LIMCH1: variants seen among roughly 807,000 people sequenced by gnomAD.
LIMCH1 encodes the protein LIM and calponin homology domains 1.
Under a neutral mutation model 176.5 loss-of-function variants are expected in LIMCH1, and 113 were observed. That is an observed-to-expected ratio of 0.64 (90% CI 0.55 to 0.75). The LOEUF (loss-of-function observed/expected upper bound fraction) is 0.75. Among genes scored for constraint, LIMCH1 ranks in the 30% least tolerant of loss-of-function variants. The pLI is 0.00. For missense variants in LIMCH1, 1,674 were observed against 1,814.9 expected, an observed-to-expected ratio of 0.92 and a Z score of 1.41; for synonymous variants, 619 against 645.9, an observed-to-expected ratio of 0.96 and a Z score of 0.63.
Position 41,620,551 on chromosome 4 carries a change from A to G in LIMCH1, c.586A>G (p.Lys196Glu), listed in dbSNP as rs2092487302. 6.5e-7 allele frequency: 1 copy of G among 1,536,394 alleles called. No individual in the cohort carries two copies. The highest frequency in any genetic ancestry group is 1.4e-5 in the African/African-American group (1 of 73,178). Residue 196 changes from lysine to glutamate, a missense_variant, in exon 7 of 32, where the codon AAG becomes GAG. By Grantham distance (56) the Lys-to-Glu change is moderately conservative. Around this residue, in one of 3 missense-constraint regions of LIMCH1, gnomAD observed 655 missense variants for 692.2 expected, o/e 0.95. Transcript: ENST00000503057. Reference protein sequence around the residue: ...GGCELPDGSGKEHPSSDGAVV... With the variant: ...GGCELPDGSGEEHPSSDGAVV... The stretch of plus-strand genomic sequence containing the variant: ...GTGTGAATTACCTGACGGCAGTGGT[A>G]AGGAGCACCCTTCTTCAGACGGGGC...
At chr4:41,520,280 G>T (rs2075992711) in intron 2 of LIMCH1, among the ~76,000 whole-genome samples, 1 of 151,918 alleles carries the variant, frequency 6.6e-6, no homozygotes, top group South Asian at 2.1e-4. Flanking sequence ...CCTTCTGGTT[G>T]TTCCTTGAAT....
chr4:41,378,269 A>G (rs1019451196), intron 1 of LIMCH1, among the ~76,000 whole-genome samples: 1 of 152,182 alleles, frequency 6.6e-6, no homozygotes, highest in African/African-American at 2.4e-5. Flanking sequence ...TTGGAACTAA[A>G]TGGGCTGGGC....
At chr4:41,424,581 A>G (rs1202928261) in intron 1 of LIMCH1, among the ~76,000 whole-genome samples, 1 of 151,452 alleles carries the variant, frequency 6.6e-6, no homozygotes, top group African/African-American at 2.4e-5. Context: ...CAAACATATC[A>G]TTTTTTTTTG....
chr4:41,592,592 A>G (rs71608083), intron 1 of LIMCH1, among the ~76,000 whole-genome samples: 5,338 of 152,284 alleles, frequency 0.035, 116 homozygotes, highest in South Asian at 0.062. Flanking sequence ...ACCTGAGTGA[A>G]CAAGAATGTC....
intron 2 of LIMCH1, among the ~76,000 whole-genome samples, chr4:41,501,635 G>A (rs2073286218): frequency 1.3e-5 from 2 of 152,042 alleles, no homozygotes; most frequent in Non-Finnish European, 2.9e-5. Flanking sequence ...CTAGAGAAGG[G>A]ACAGGCTTCC....
intron 13 of LIMCH1, among the ~76,000 whole-genome samples, chr4:41,634,939 G>A (rs1015018291): frequency 2.3e-4 from 35 of 152,170 alleles, no homozygotes; most frequent in East Asian, 1.4e-3. Context: ...CTGGATCCGC[G>A]GGCTTCTGTA....
chr4:41,494,305 T>TTA (rs1259765203), intron 1 of LIMCH1, among the ~76,000 whole-genome samples: 2 of 148,930 alleles, frequency 1.3e-5, no homozygotes, highest in African/African-American at 2.4e-5. Flanking sequence ...ATATATATAA[T>TTA]TATATATATA....
chr4:41,524,557 A>G (rs951610909), intron 3 of LIMCH1: 6 of 1,008,050 alleles, frequency 6.0e-6, no homozygotes, highest in Non-Finnish European at 9.5e-6. Context: ...CATTTATTAC[A>G]GTTCTCTCCT....
At chr4:41,436,428 T>C (rs1472322688) in intron 1 of LIMCH1, among the ~76,000 whole-genome samples, 1 of 152,190 alleles carries the variant, frequency 6.6e-6, no homozygotes, top group African/African-American at 2.4e-5. Flanking sequence ...TCTGGGGCAT[T>C]AAAAAATAAT....
chr4:41,495,989 G>C (rs1264608786), intron 2 of LIMCH1, among the ~76,000 whole-genome samples: 1 of 152,118 alleles, frequency 6.6e-6, no homozygotes, highest in African/African-American at 2.4e-5. Context: ...TTAACTCTTA[G>C]GTAAGCTGCA....
At chr4:41,521,655 A>G (rs181209404) in intron 2 of LIMCH1, among the ~76,000 whole-genome samples, 2 of 152,190 alleles carry the variant, frequency 1.3e-5, no homozygotes, top group African/African-American at 4.8e-5. Flanking sequence ...AGTATTATAA[A>G]CAGAACACTG....
intron 1 of LIMCH1, among the ~76,000 whole-genome samples, chr4:41,494,364 CACAT>C (rs1328402001): frequency 1.3e-5 from 2 of 150,012 alleles, no homozygotes; most frequent in Non-Finnish European, 3.0e-5. Flanking sequence ...CGTACACATA[CACAT>C]ACATATATAC....
At chr4:41,636,230 C>CTT (rs76076652) in intron 13 of LIMCH1, among the ~76,000 whole-genome samples, 1 of 136,902 alleles carries the variant, frequency 7.3e-6, no homozygotes, top group Non-Finnish European at 1.6e-5. Context: ...ACTTTATTGA[C>CTT]TTTTTTTTTT....
intron 1 of LIMCH1, among the ~76,000 whole-genome samples, chr4:41,433,673 C>T (rs989243886): frequency 1.5e-5 from 2 of 134,348 alleles, no homozygotes; most frequent in African/African-American, 6.7e-5. Context: ...AGCTGTTAGT[C>T]TTCTTTTTTT....
chr4:41,630,920 G>A (rs1019948440), intron 9 of LIMCH1, among the ~76,000 whole-genome samples: 1 of 152,200 alleles, frequency 6.6e-6, no homozygotes, highest in African/African-American at 2.4e-5. Context: ...TGTGGATTCA[G>A]TGTAGTACTT....
At chr4:41,427,504 T>A (rs1277601680) in intron 1 of LIMCH1, among the ~76,000 whole-genome samples, 1 of 152,196 alleles carries the variant, frequency 6.6e-6, no homozygotes, top group African/African-American at 2.4e-5. Context: ...ATCACTTGGT[T>A]CCGAGCAGTG....
At chr4:41,603,564 T>C (rs2152762776) in intron 2 of LIMCH1, among the ~76,000 whole-genome samples, 1 of 152,328 alleles carries the variant, frequency 6.6e-6, no homozygotes, top group East Asian at 1.9e-4. Flanking sequence ...TCTTCAGTGG[T>C]TAATCTTTGA....
At chr4:41,616,099 A>G (rs2152807849) in intron 5 of LIMCH1, among the ~76,000 whole-genome samples, 2 of 152,326 alleles carry the variant, frequency 1.3e-5, no homozygotes, top group South Asian at 4.1e-4. Flanking sequence ...GATGTTTTCA[A>G]AATTAAGAAC....
At chr4:41,659,240 A>G (rs1365979203) in intron 18 of LIMCH1, among the ~76,000 whole-genome samples, 1 of 152,192 alleles carries the variant, frequency 6.6e-6, no homozygotes. Context: ...TTGATATATT[A>G]AAATATTACA....
Sources: gnomAD v4.1 joint callset for allele counts (sites outside exome capture counted in the v4.1 genomes callset) on GRCh38, gnomAD v4.1.1 for gene constraint, gnomAD v4.1.1 regional missense constraint, MANE v1.5 for transcripts, NCBI Gene and HGNC (gene_info 2026-07-23, HGNC 2026-07-21) for gene names.